PKP4: variants seen among roughly 807,000 people sequenced by gnomAD.
PKP4 encodes plakophilin 4, also known as plakophilin-4.
Under a neutral mutation model 145.1 loss-of-function variants are expected in PKP4, and 90 were observed. The observed-to-expected ratio is 0.62, with a 90% CI of 0.52 to 0.74. The LOEUF is 0.74. Ranked by LOEUF, PKP4 falls within the 30% of genes least tolerant of loss-of-function variation. The pLI is 0.00. For synonymous variants in PKP4, 563 were observed against 577.2 expected, an observed-to-expected ratio of 0.98 and a Z score of 0.35; for missense variants, 1,340 against 1,482.7, an observed-to-expected ratio of 0.90 and a Z score of 1.58.
intron 4 of PKP4, among the ~76,000 whole-genome samples, chr2:158,612,813 C>T (rs909485335): frequency 6.6e-6 from 1 of 151,926 alleles, no homozygotes; most frequent in Non-Finnish European, 1.5e-5. Flanking sequence ...GAAACTTGAG[C>T]ATACCCCGGA....
Position 158,677,010 on chromosome 2 carries a change from C to T in PKP4, c.3256+143C>T. 3.1e-6 allele frequency: 3 copies of T among 980,692 alleles called. No homozygotes were observed. In the South Asian group the frequency reaches 4.1e-5, roughly 13 times the overall value. 60.7% of individuals were successfully genotyped at this position (980,692 alleles called of 1,614,324 possible). ...CATGTTCCAGTCATTCCCTTTCCTA[C>T]TTTGGGGATTGTTGCCTTTTCTGCT... On this transcript the variant is annotated intron_variant, in intron 20 of 21. Coordinates refer to ENST00000389759, the MANE Select transcript of PKP4 (RefSeq NM_003628.6).
chr2:158,550,143 A>ATTCTATTCAATTCTATTTAT (rs564291706), intron 2 of PKP4, among the ~76,000 whole-genome samples: 4 of 147,040 alleles, frequency 2.7e-5, no homozygotes, highest in Non-Finnish European at 3.1e-5. Context: ...TGCCAAGAAG[A>ATTCTATTCAATTCTATTTAT]AGTTAAACAA....
intron 10 of PKP4, among the ~76,000 whole-genome samples, chr2:158,641,653 C>A (rs1239549308): frequency 2.0e-5 from 3 of 152,058 alleles, no homozygotes; most frequent in Non-Finnish European, 4.4e-5. Flanking sequence ...TAACAGTATA[C>A]CAGTTCCAGA....
Position 158,662,881 on chromosome 2 carries a change from C to T in PKP4, c.2212-16C>T, listed in dbSNP as rs1353115787. The T allele has an allele frequency of 2.5e-6, 4 of 1,581,648 alleles. No individual in the cohort carries two copies. The highest frequency in any genetic ancestry group is 3.4e-6 in the Non-Finnish European group (4 of 1,164,368). ...GTGCCGAGTTGTTTTTAATTATACG[C>T]CATGCTGGGTTTCAGACGGTGGAGA... On this transcript the variant is annotated splice_polypyrimidine_tract_variant and intron_variant, in intron 13 of 21. Coordinates refer to ENST00000389759, the MANE Select transcript of PKP4 (RefSeq NM_003628.6).
intron 10 of PKP4, among the ~76,000 whole-genome samples, chr2:158,641,753 C>G (rs2054303334): frequency 6.6e-6 from 1 of 152,074 alleles, no homozygotes; most frequent in Admixed American, 6.5e-5. Flanking sequence ...AGGAGAGTAG[C>G]CTAGAGAACT....
At chr2:158,515,475 A>G (rs966616623) in intron 1 of PKP4, among the ~76,000 whole-genome samples, 1 of 152,150 alleles carries the variant, frequency 6.6e-6, no homozygotes, top group African/African-American at 2.4e-5. Flanking sequence ...AGGAAAAGAA[A>G]ATAATTGGTA....
chr2:158,562,794 G>A (rs796895213), intron 2 of PKP4, among the ~76,000 whole-genome samples: 4 of 152,088 alleles, frequency 2.6e-5, no homozygotes, highest in African/African-American at 9.7e-5. Flanking sequence ...ACATGGTATC[G>A]AAGTGATTCA....
rs1305866628 is a variant in PKP4 at position 158,524,058 on chromosome 2, G to T, written c.-5-9122G>T. Among the ~76,000 whole-genome samples the T allele has an allele frequency of 6.0e-5, 3 of 50,334 alleles. 1 individual carries two copies. In the East Asian group the frequency reaches 2.3e-3, roughly 38 times the overall value. 33.0% of individuals were successfully genotyped at this position (50,334 alleles called of 152,430 possible). ...ATGGAACCAAGTTGGAAAACACTCTGCAGGATATTATCCAGGAGAACTTCC... is the reference window on the plus strand; with the variant it reads ...ATGGAACCAAGTTGGAAAACACTCTTCAGGATATTATCCAGGAGAACTTCC... On this transcript the variant is annotated intron_variant, in intron 1 of 21. Coordinates refer to ENST00000389759, the MANE Select transcript of PKP4 (RefSeq NM_003628.6).
At chr2:158,664,065 C>T (rs2056857697) in intron 15 of PKP4, among the ~76,000 whole-genome samples, 1 of 152,182 alleles carries the variant, frequency 6.6e-6, no homozygotes, top group South Asian at 2.1e-4. Context: ...GAGGGACTAC[C>T]GAAAGAGTCT....
intron 19 of PKP4, among the ~76,000 whole-genome samples, chr2:158,676,092 G>C (rs1002511071): frequency 2.0e-5 from 3 of 152,082 alleles, no homozygotes; most frequent in Non-Finnish European, 4.4e-5. Flanking sequence ...CAGTCCTCTG[G>C]GCCTTTCTGA....
rs974921193 is a variant in PKP4, at chr2:158,570,762, A to T, written c.133-6509A>T. On this transcript the variant is annotated intron_variant, in intron 2 of 21. Coordinates refer to ENST00000389759, the MANE Select transcript of PKP4 (RefSeq NM_003628.6). ...TATTTTATATTAAAAATATACAAGCATTGGAAACCAGGATTTCAATGACTT... is the reference window on the plus strand; with the variant it reads ...TATTTTATATTAAAAATATACAAGCTTTGGAAACCAGGATTTCAATGACTT... Among the ~76,000 whole-genome samples the T allele has an allele frequency of 9.9e-5, 15 of 152,192 alleles. 1 individual carries two copies. Among genetic ancestry groups the T allele is most frequent in the African/African-American group, 3.1e-4 (13 of 41,438 alleles).
At chr2:158,550,687 A>G (rs1466910153) in intron 2 of PKP4, among the ~76,000 whole-genome samples, 7 of 152,234 alleles carry the variant, frequency 4.6e-5, no homozygotes, top group African/African-American at 1.4e-4. Flanking sequence ...CTGCAATTCT[A>G]TGTCCCAGTG....
intron 1 of PKP4, among the ~76,000 whole-genome samples, chr2:158,522,835 G>C (rs1190728306): frequency 6.6e-6 from 1 of 152,228 alleles, no homozygotes; most frequent in Non-Finnish European, 1.5e-5. Flanking sequence ...CAAGGGGTCA[G>C]GGAGTTCCCT....
rs190859404 is a variant in PKP4 at position 158,644,063 on chromosome 2, G to A, written c.1909+1364G>A. 9.9e-5 allele frequency among the ~76,000 whole-genome samples: 15 copies of A among 152,252 alleles called. No individual in the cohort carries two copies. In the East Asian group the frequency reaches 1.2e-3, roughly 12 times the overall value. On this transcript the variant is annotated intron_variant, in intron 11 of 21. Coordinates refer to ENST00000389759, the MANE Select transcript of PKP4 (RefSeq NM_003628.6). ...TTACAGGTGTGAGCCACTGCACCCC[G>A]CCCATTTAGGGAACTTTTATAAGGA...
At position 158,640,214 on chromosome 2, in the gene PKP4, T is replaced by C. The variant is rs117619117; in HGVS notation, c.1563-413T>C. Among the ~76,000 whole-genome samples, 166 of 152,354 alleles carry C rather than the reference T, an allele frequency of 1.1e-3. 1 individual carries two copies. The East Asian group carries it at 0.03, about 27-fold the overall frequency. On this transcript the variant is annotated intron_variant, in intron 9 of 21. Transcript: ENST00000389759. ...GTGATTTCTAGGCTGACGCCAGCCC[T>C]GTCTGTTCCCACCAGCCCTTCCTCT...
chr2:158,538,108 G>A (rs907003225), intron 2 of PKP4, among the ~76,000 whole-genome samples: 1 of 152,170 alleles, frequency 6.6e-6, no homozygotes, highest in Non-Finnish European at 1.5e-5. Flanking sequence ...TCATTGAAAT[G>A]CACAGCACAC....
In PKP4 at chr2:158,680,549, C is replaced by T. The variant is rs765867448; in HGVS notation, c.3451C>T (p.Pro1151Ser). Residue 1151 changes from proline (P) to serine (S), a missense_variant, in exon 22 of 22, where the codon CCA becomes TCA. Pro to Ser is a moderately conservative substitution (Grantham distance 74). Coordinates refer to ENST00000389759, the MANE Select transcript of PKP4 (RefSeq NM_003628.6). ...TTATTTTGATGACCGAGTTCACTTT[C>T]CAGCTTCTACTGATTACTCAACACA... Reference protein sequence around the residue: ...DPYFDDRVHFPASTDYSTQYG... With the variant: ...DPYFDDRVHFSASTDYSTQYG... The T allele has an allele frequency of 1.2e-6, 2 of 1,614,098 alleles. No individual in the cohort carries two copies. The highest frequency in any genetic ancestry group is 4.5e-5 in the East Asian group (2 of 44,866).
intron 2 of PKP4, among the ~76,000 whole-genome samples, chr2:158,560,039 G>A (rs1218433792): frequency 1.3e-5 from 2 of 152,032 alleles, no homozygotes; most frequent in Non-Finnish European, 2.9e-5. Flanking sequence ...GCTAATTTTT[G>A]TATTTTTAGT....
chr2:158,495,363 A>C (rs914192071), intron 1 of PKP4, among the ~76,000 whole-genome samples: 9 of 147,086 alleles, frequency 6.1e-5, no homozygotes, highest in Admixed American at 2.1e-4. Flanking sequence ...AAAAAAAAAA[A>C]AACAACAAAG....
Sources: gnomAD v4.1 joint callset for allele counts (sites outside exome capture counted in the v4.1 genomes callset) on GRCh38, gnomAD v4.1.1 for gene constraint, MANE v1.5 for transcripts, NCBI Gene and HGNC (gene_info 2026-07-23, HGNC 2026-07-21) for gene names.